MARCHF3: variants seen among roughly 807,000 people sequenced by gnomAD.
MARCHF3 encodes membrane associated ring-CH-type finger 3.
A neutral mutation model predicts 24.2 loss-of-function variants in MARCHF3; 13 were observed. That is an observed-to-expected ratio of 0.54 (90% confidence interval 0.35 to 0.85). The LOEUF is 0.85. Ranked by LOEUF, MARCHF3 falls within the 40% of genes least tolerant of loss-of-function variation. The pLI is 0.01. For synonymous variants in MARCHF3, 144 were observed against 137.3 expected (o/e 1.05, Z -0.34); for missense variants, 276 against 325.0 (o/e 0.85, Z 1.16).
intron 3 of MARCHF3, among the ~76,000 whole-genome samples, chr5:126,905,881 C>T (rs1340874217): frequency 6.6e-6 from 1 of 152,140 alleles, no homozygotes; most frequent in Non-Finnish European, 1.5e-5. Flanking sequence ...AGAGGGCATC[C>T]CTGTCTTGTG....
At chr5:126,940,864 A>G (rs1749804895) in intron 1 of MARCHF3, among the ~76,000 whole-genome samples, 1 of 152,148 alleles carries the variant, frequency 6.6e-6, no homozygotes, top group African/African-American at 2.4e-5. Context: ...GATGTTTTGA[A>G]ACAAGCATGC....
At chr5:126,966,499 T>TTTTTTTTTG (rs1561450527) in intron 1 of MARCHF3, among the ~76,000 whole-genome samples, 1 of 151,978 alleles carries the variant, frequency 6.6e-6, no homozygotes, top group African/African-American at 2.4e-5. Flanking sequence ...TATTTTTCCT[T>TTTTTTTTTG]AGTTGCAAGG....
At chr5:126,871,854 ACGCCACCATG>A (rs1752977800) in intron 4 of MARCHF3, among the ~76,000 whole-genome samples, 1 of 151,886 alleles carries the variant, frequency 6.6e-6, no homozygotes, top group Non-Finnish European at 1.5e-5. Flanking sequence ...TTACAGGCAT[ACGCCACCATG>A]CCTGGCAAAT....
At chr5:126,923,900 A>C (rs1372739574) in intron 1 of MARCHF3, among the ~76,000 whole-genome samples, 1 of 152,192 alleles carries the variant, frequency 6.6e-6, no homozygotes, top group Non-Finnish European at 1.5e-5. Flanking sequence ...TTGACAAAGC[A>C]AATCAAAGAA....
chr5:127,029,309 A>C (rs943819821), intron 1 of MARCHF3, among the ~76,000 whole-genome samples: 1 of 152,156 alleles, frequency 6.6e-6, no homozygotes, highest in Non-Finnish European at 1.5e-5. Flanking sequence ...CAACATTTTC[A>C]TGTATTTTCA....
intron 3 of MARCHF3, among the ~76,000 whole-genome samples, chr5:126,894,694 G>T (rs1257750595): frequency 6.6e-6 from 1 of 151,938 alleles, no homozygotes; most frequent in African/African-American, 2.4e-5. Context: ...AGGGTAACCC[G>T]CCCTTTCTCT....
intron 3 of MARCHF3, among the ~76,000 whole-genome samples, chr5:126,896,566 A>C (rs1319955347): frequency 6.6e-6 from 1 of 151,976 alleles, no homozygotes; most frequent in African/African-American, 2.4e-5. Context: ...CCATTAAAGA[A>C]CCCAAGTTAA....
Position 126,948,853 on chromosome 5 carries a change from G to A in MARCHF3, c.-56-30626C>T, listed in dbSNP as rs112427691. Among the ~76,000 whole-genome samples the A allele has an allele frequency of 5.9e-3, 901 of 152,250 alleles. 10 individuals carry two copies. The highest frequency in any genetic ancestry group is 0.021 in the African/African-American group (871 of 41,536). On this transcript the variant is annotated intron_variant, in intron 1 of 4. Coordinates refer to ENST00000308660, the MANE Select transcript of MARCHF3 (RefSeq NM_178450.5). ...TTCAATATCCACATCTGGCAGGTGC[G>A]AGCTGAGGAAGGTGAAAGCAGGCTC...
intron 1 of MARCHF3, among the ~76,000 whole-genome samples, chr5:126,979,028 A>G (rs1176198238): frequency 2.6e-5 from 4 of 152,356 alleles, no homozygotes; most frequent in East Asian, 1.9e-4. Context: ...TGTTACCTCT[A>G]TCATATTTAG....
chr5:126,925,522 G>T (rs561537048), intron 1 of MARCHF3, among the ~76,000 whole-genome samples: 2 of 152,034 alleles, frequency 1.3e-5, no homozygotes, highest in African/African-American at 4.8e-5. Flanking sequence ...AAGTACTTAT[G>T]AAATTAATTC....
chr5:126,985,502 C>T (rs1751533942), intron 1 of MARCHF3, among the ~76,000 whole-genome samples: 1 of 149,266 alleles, frequency 6.7e-6, no homozygotes, highest in African/African-American at 2.5e-5. Context: ...CGGAGTCTCA[C>T]TCTGTCGCCC....
At chr5:126,897,041 G>A (rs1753941167) in intron 3 of MARCHF3, among the ~76,000 whole-genome samples, 1 of 81,606 alleles carries the variant, frequency 1.2e-5, no homozygotes, top group Non-Finnish European at 2.3e-5. Flanking sequence ...TCTGAAGTTT[G>A]AGAATTTTTT....
chr5:126,895,943 G>A (rs1023588668), intron 3 of MARCHF3, among the ~76,000 whole-genome samples: 3 of 152,126 alleles, frequency 2.0e-5, no homozygotes, highest in Non-Finnish European at 4.4e-5. Context: ...ATCTCAGACT[G>A]CTGTGCTAGC....
At chr5:126,904,094 G>A (rs1000753323) in intron 3 of MARCHF3, among the ~76,000 whole-genome samples, 1 of 150,696 alleles carries the variant, frequency 6.6e-6, no homozygotes, top group Non-Finnish European at 1.5e-5. Flanking sequence ...ATAGTTTACT[G>A]AGAATGATGA....
chr5:127,007,996 C>T (rs1229178341), intron 1 of MARCHF3, among the ~76,000 whole-genome samples: 2 of 151,782 alleles, frequency 1.3e-5, no homozygotes, highest in Non-Finnish European at 2.9e-5. Context: ...AAACCTAGTC[C>T]TCCTTCAGAA....
At position 126,868,549 on chromosome 5, in the gene MARCHF3, A is replaced by G. The variant is rs1752845460; in HGVS notation, c.*2084T>C. 6.6e-6 allele frequency: 1 copy of G among 152,178 alleles called. No individual in the cohort carries two copies. The highest frequency in any genetic ancestry group is 1.5e-5 in the Non-Finnish European group (1 of 68,036). 9.4% of individuals were successfully genotyped at this position (152,178 alleles called of 1,614,324 possible). A position where few individuals can be genotyped will look rare whatever the true frequency, so the allele number is the denominator to read the frequency against. On this transcript the variant is annotated 3_prime_UTR_variant, in exon 5 of 5. Coordinates refer to ENST00000308660, the MANE Select transcript of MARCHF3 (RefSeq NM_178450.5). ...GGACCTGGCTGCCTTTGATGATGTC[A>G]TATCTCATCTCATGAACCAAGATGG...
intron 1 of MARCHF3, among the ~76,000 whole-genome samples, chr5:126,970,592 C>T: frequency 6.6e-6 from 1 of 151,844 alleles, no homozygotes; most frequent in Non-Finnish European, 1.5e-5. Flanking sequence ...GACTTGTGGC[C>T]AAATGGTACT....
chr5:127,013,460 T>C (rs1000246442), intron 1 of MARCHF3, among the ~76,000 whole-genome samples: 2 of 152,162 alleles, frequency 1.3e-5, no homozygotes, highest in Non-Finnish European at 2.9e-5. Flanking sequence ...TAATGATACA[T>C]TGACCCAGCC....
At chr5:126,934,575 C>T (rs774512340) in intron 1 of MARCHF3, among the ~76,000 whole-genome samples, 13 of 151,958 alleles carry the variant, frequency 8.6e-5, no homozygotes, top group Non-Finnish European at 1.5e-4. Context: ...GGCTTGCAAG[C>T]ATCTCTAAAA....
Sources: allele counts gnomAD v4.1 joint callset (sites outside exome capture counted in the v4.1 genomes callset), GRCh38; gene constraint gnomAD v4.1.1; transcripts MANE v1.5; gene names NCBI Gene and HGNC (gene_info 2026-07-23, HGNC 2026-07-21).